Variants in ECPAS observed in about 807,000 individuals in gnomAD.
ECPAS encodes Ecm29 proteasome adaptor and scaffold, also known as proteasome adapter and scaffold protein ECM29.
A neutral mutation model predicts 255.1 loss-of-function variants in ECPAS; 70 were observed. That is an observed-to-expected ratio of 0.27 (90% CI 0.23 to 0.33). The LOEUF is 0.33. Among genes scored for constraint, ECPAS ranks in the 10% least tolerant of loss-of-function variants. The pLI is 1.00. For synonymous variants in ECPAS, 784 were observed against 775.0 expected, an observed-to-expected ratio of 1.01 and a Z score of -0.19; for missense variants, 1,817 against 2,206.4, an observed-to-expected ratio of 0.82 and a Z score of 3.54.
intron 7 of ECPAS, among the ~76,000 whole-genome samples, chr9:111,434,585 CTTTTTT>C (rs34507397): frequency 9.2e-6 from 1 of 109,264 alleles, no homozygotes. Context: ...TTCCAGTTAA[CTTTTTT>C]TTTTTTTTTT....
intron 2 of ECPAS, among the ~76,000 whole-genome samples, chr9:111,469,240 A>G (rs2098283321): frequency 6.6e-6 from 1 of 152,150 alleles, no homozygotes; most frequent in South Asian, 2.1e-4. Context: ...TCTGTCTCCA[A>G]AAAAACAAAG....
intron 49 of ECPAS, 117 bp from the exon 50 acceptor site, chr9:111,362,286 A>G: frequency 1.3e-6 from 1 of 743,838 alleles, no homozygotes; most frequent in Non-Finnish European, 2.1e-6. Flanking sequence ...CCTATCCCCC[A>G]AATAAATGCA....
At chr9:111,456,829 T>TA (rs2131993663) in intron 2 of ECPAS, among the ~76,000 whole-genome samples, 1 of 152,118 alleles carries the variant, frequency 6.6e-6, no homozygotes, top group South Asian at 2.1e-4. Flanking sequence ...TGGTCATGGG[T>TA]AAAAAGAGTG....
intron 17 of ECPAS, among the ~76,000 whole-genome samples, chr9:111,417,243 A>G (rs549081828): frequency 6.6e-6 from 1 of 152,202 alleles, no homozygotes; most frequent in African/African-American, 2.4e-5. Context: ...CTGTCTCAAA[A>G]AAAAATAAAA....
At chr9:111,365,125 G>T (rs142693078) in intron 48 of ECPAS, among the ~76,000 whole-genome samples, 1 of 152,082 alleles carries the variant, frequency 6.6e-6, no homozygotes, top group African/African-American at 2.4e-5. Context: ...ACAAAAATTA[G>T]CCAGGCATGA....
At chr9:111,378,375 T>C (rs1365513839) in intron 36 of ECPAS, among the ~76,000 whole-genome samples, 2 of 152,214 alleles carry the variant, frequency 1.3e-5, no homozygotes, top group Non-Finnish European at 2.9e-5. Flanking sequence ...ATTCATTTTT[T>C]AGATGGAAGT....
intron 23 of ECPAS, among the ~76,000 whole-genome samples, chr9:111,409,338 T>C (rs950391857): frequency 1.3e-5 from 2 of 152,060 alleles, no homozygotes; most frequent in Non-Finnish European, 2.9e-5. Context: ...GCAGGCAGGA[T>C]TGCCTGAGGT....
At chr9:111,426,900 G>A (rs1484350265) in intron 10 of ECPAS, among the ~76,000 whole-genome samples, 1 of 152,074 alleles carries the variant, frequency 6.6e-6, no homozygotes, top group Non-Finnish European at 1.5e-5. Flanking sequence ...AGCTTGGGAG[G>A]CAGAGGCTGC....
intron 2 of ECPAS, among the ~76,000 whole-genome samples, chr9:111,459,856 G>A (rs1268013169): frequency 6.6e-6 from 1 of 152,158 alleles, no homozygotes; most frequent in Admixed American, 6.5e-5. Flanking sequence ...TTATGAATTC[G>A]CTGGTAAATT....
At chr9:111,483,471 G>C (rs543415782) in intron 1 of ECPAS, 2 of 973,660 alleles carry the variant, frequency 2.1e-6, no homozygotes, top group East Asian at 1.2e-4. Context: ...GCCCGTTCCG[G>C]CTCGCGGCCG....
At chr9:111,384,641 T>G (rs2098145206) in intron 33 of ECPAS, 72 bp from the exon 34 acceptor site, 14 of 1,361,982 alleles carry the variant, frequency 1.0e-5, no homozygotes, top group Non-Finnish European at 1.5e-5. Flanking sequence ...AATTTGCAAT[T>G]TAATTGCCTC....
At chr9:111,387,474 C>A (rs2098151276) in intron 31 of ECPAS, among the ~76,000 whole-genome samples, 1 of 151,132 alleles carries the variant, frequency 6.6e-6, no homozygotes, top group African/African-American at 2.4e-5. Flanking sequence ...ATCGTCAGTG[C>A]AGTTATTGAG....
rs765061636 is a variant in ECPAS, at chr9:111,420,093, C to A, written c.1483G>T (p.Val495Leu). Residue 495 changes from valine (V) to leucine (L), a missense_variant, in exon 16 of 50, where the codon GTG becomes TTG. Val to Leu is a conservative substitution (Grantham distance 32, BLOSUM62 1). Around this residue, in one of 4 missense-constraint regions of ECPAS, gnomAD observed 573 missense variants for 716.2 expected, o/e 0.80. Transcript: ENST00000684092. ...GGAAACACCGTACTGGCAAATTTCACAGCCACTTGTCGAACTTGAACTTCA... is the reference window on the plus strand; with the variant it reads ...GGAAACACCGTACTGGCAAATTTCAAAGCCACTTGTCGAACTTGAACTTCA... ...KPEVQVRQVA[V>L]KFASTVFPSD... is the part of the protein sequence containing the mutation. 3 of 1,612,514 alleles carry A rather than the reference C, an allele frequency of 1.9e-6. No homozygotes were observed. The South Asian group carries it at 3.3e-5, about 18-fold the overall frequency.
intron 10 of ECPAS, 141 bp from the exon 11 acceptor site, chr9:111,425,969 A>G (rs370800917): frequency 2.0e-6 from 1 of 505,682 alleles, no homozygotes; most frequent in South Asian, 3.4e-5. Context: ...TTATTAGCTG[A>G]CCAACTTAGA....
At position 111,418,026 on chromosome 9, in the gene ECPAS, A is replaced by G. The variant is rs917612508; in HGVS notation, c.1560-20T>C. 2 of 1,561,410 alleles carry G rather than the reference A, an allele frequency of 1.3e-6. No homozygotes were observed. The highest frequency in any genetic ancestry group is 1.4e-5 in the African/African-American group (1 of 72,486). ...TCACGTCTTTCAGAAAAAGACAAAT[A>G]AGAATAAAAAATAAATGTCACCAAT... On this transcript the variant is annotated intron_variant, in intron 16 of 49. Coordinates refer to ENST00000684092, the MANE Select transcript of ECPAS (RefSeq NM_001364929.1).
chr9:111,395,518 A>G (rs1187711187), intron 25 of ECPAS, among the ~76,000 whole-genome samples: 1 of 152,180 alleles, frequency 6.6e-6, no homozygotes, highest in African/African-American at 2.4e-5. Context: ...ATAGAACTTC[A>G]ACATTTAATG....
chr9:111,474,269 G>A (rs1382078630), intron 1 of ECPAS, among the ~76,000 whole-genome samples: 1 of 152,040 alleles, frequency 6.6e-6, no homozygotes, highest in Non-Finnish European at 1.5e-5. Flanking sequence ...TCCTAAATCT[G>A]TCTAGAGGCT....
intron 2 of ECPAS, among the ~76,000 whole-genome samples, chr9:111,456,790 C>T (rs571172968): frequency 3.3e-5 from 5 of 152,274 alleles, no homozygotes; most frequent in African/African-American, 1.2e-4. Flanking sequence ...CAAGTATCTA[C>T]TGAAACTCTA....
Position 111,484,198 on chromosome 9 carries a change from C to T in ECPAS, c.-165G>A. 1 of 1,478,906 alleles carries T rather than the reference C, an allele frequency of 6.8e-7. No individual in the cohort carries two copies. Among genetic ancestry groups the T allele is most frequent in the East Asian group, 2.9e-5 (1 of 34,872 alleles). The allele number at this position is 1,478,906 out of a possible 1,614,324, so 91.6% of individuals were successfully genotyped here. A position where few individuals can be genotyped will look rare whatever the true frequency, so the allele number is the denominator to read the frequency against. On this transcript the variant is annotated 5_prime_UTR_variant, in exon 1 of 50. Transcript: ENST00000684092. Reference sequence around the variant, plus strand: ...GCTGTAGAGCGAGGCGTTCGGCGGGCCGGGCCCCGGGGAGCCGCGCGCCGC... The same window carrying T: ...GCTGTAGAGCGAGGCGTTCGGCGGGTCGGGCCCCGGGGAGCCGCGCGCCGC...
Sources: gnomAD v4.1 joint callset for allele counts (sites outside exome capture counted in the v4.1 genomes callset) on GRCh38, gnomAD v4.1.1 for gene constraint, gnomAD v4.1.1 regional missense constraint, MANE v1.5 for transcripts, NCBI Gene and HGNC (gene_info 2026-07-23, HGNC 2026-07-21) for gene names.